The following ADGB variants were observed in gnomAD, a reference collection of about 807,000 sequenced individuals.
ADGB encodes calpain-7-like protein.
Under a neutral mutation model 210.5 loss-of-function variants are expected in ADGB, and 172 were observed. The observed-to-expected ratio is 0.82, with a 90% CI of 0.72 to 0.93. The LOEUF (loss-of-function observed/expected upper bound fraction) is 0.93. Among genes scored for constraint, ADGB ranks in the 40% least tolerant of loss-of-function variants. The pLI, the probability that ADGB is intolerant of heterozygous loss-of-function variation, is 0.00. For missense variants in ADGB, 2,025 were observed against 1,964.8 expected, an observed-to-expected ratio of 1.03 and a Z score of -0.58; for synonymous variants, 658 against 662.7, an observed-to-expected ratio of 0.99 and a Z score of 0.11.
rs1337073355 is a variant in ADGB at position 146,815,134 on chromosome 6, C to T, written c.4921C>T (p.Gln1641Ter). 73 of 1,546,786 alleles carry T rather than the reference C, an allele frequency of 4.7e-5. No individual in the cohort carries two copies. The highest frequency in any genetic ancestry group is 6.2e-5 in the Non-Finnish European group (71 of 1,145,634). Reference sequence around the variant, plus strand: ...CCTAAAGCTGGAAACTCTGGCTGCTCAGGAAGCAGCCATGAAGCTGGAGAC... The same window carrying T: ...CCTAAAGCTGGAAACTCTGGCTGCTTAGGAAGCAGCCATGAAGCTGGAGAC... ...EHLKLETLAA[Q>*]EAAMKLETEK... Residue 1641 changes from glutamine to a stop codon, truncating the protein, a stop_gained, in exon 36 of 36, where the codon CAG becomes TAG. Transcript: ENST00000397944. LOFTEE classifies it low-confidence loss of function (END_TRUNC).
rs1198158237 is a variant in ADGB, at chr6:146,691,477, AATAT to A, written c.1486+208_1486+211del. Among the ~76,000 whole-genome samples the A allele has an allele frequency of 7.1e-3, 131 of 18,498 alleles. 2 individuals carry two copies. The highest frequency in any genetic ancestry group is 8.0e-3 in the Non-Finnish European group (101 of 12,584). 12.1% of individuals were successfully genotyped at this position (18,498 alleles called of 152,430 possible). ...ATATATAAAAATATATATATATATA[AATAT>A]ATATATATATATATATATATTTTTT... On this transcript the variant is annotated intron_variant, in intron 11 of 35. Transcript: ENST00000397944.
chr6:146,617,247 TCA>T lies in ADGB; in HGVS notation c.75-18125_75-18124del, dbSNP rs141959225. Among the ~76,000 whole-genome samples the T allele has an allele frequency of 1.6e-3, 237 of 152,252 alleles. 1 individual carries two copies. The East Asian group carries it at 0.02, about 13-fold the overall frequency. ...CTTTCTTGATTTCTTTTTCAATTGT[TCA>T]CAGTTGGTGTATGAAAATGCTACCT... On this transcript the variant is annotated intron_variant, in intron 1 of 35. Coordinates refer to ENST00000397944, the MANE Select transcript of ADGB (RefSeq NM_024694.4).
intron 33 of ADGB, among the ~76,000 whole-genome samples, chr6:146,789,575 T>A (rs973194869): frequency 6.6e-6 from 1 of 152,210 alleles, no homozygotes; most frequent in Non-Finnish European, 1.5e-5. Context: ...AATTCTAAAA[T>A]TAAAAGGAAT....
intron 35 of ADGB, chr6:146,807,561 A>T (rs1390933826): frequency 5.9e-6 from 9 of 1,536,046 alleles, no homozygotes; most frequent in Admixed American, 4.3e-5. Flanking sequence ...TGACACACAG[A>T]AAAAAAAGAA....
intron 9 of ADGB, among the ~76,000 whole-genome samples, chr6:146,678,836 T>A (rs1227368363): frequency 6.6e-6 from 1 of 152,214 alleles, no homozygotes; most frequent in Non-Finnish European, 1.5e-5. Context: ...TTCATTTAGG[T>A]ACACTAGCTG....
intron 22 of ADGB, among the ~76,000 whole-genome samples, chr6:146,735,044 A>AG (rs1245795804): frequency 3.3e-5 from 5 of 151,998 alleles, no homozygotes; most frequent in Non-Finnish European, 4.4e-5. Flanking sequence ...CTTGTAAAAA[A>AG]AAAAGAATCT....
At chr6:146,608,435 T>C (rs999272144) in intron 1 of ADGB, among the ~76,000 whole-genome samples, 4 of 152,174 alleles carry the variant, frequency 2.6e-5, no homozygotes, top group Admixed American at 2.0e-4. Context: ...GGTTTGCTAT[T>C]GTTTTTCTGG....
chr6:146,725,216 A>G (rs1776875929), intron 18 of ADGB: 1 of 152,208 alleles, frequency 6.6e-6, no homozygotes, highest in African/African-American at 2.4e-5. Flanking sequence ...AATTTAATAA[A>G]GATTCTTCTT....
chr6:146,771,087 G>T (rs1351471265), intron 29 of ADGB, among the ~76,000 whole-genome samples: 1 of 152,018 alleles, frequency 6.6e-6, no homozygotes, highest in Non-Finnish European at 1.5e-5. Flanking sequence ...TATGAAAGCC[G>T]CAAATACCTT....
intron 1 of ADGB, among the ~76,000 whole-genome samples, chr6:146,627,298 A>T (rs2114850015): frequency 1.3e-5 from 2 of 152,086 alleles, no homozygotes; most frequent in South Asian, 2.1e-4. Context: ...TCCATTAGTC[A>T]TATGTTCTTA....
chr6:146,804,128 A>T (rs1280636613), intron 35 of ADGB, among the ~76,000 whole-genome samples: 1 of 152,174 alleles, frequency 6.6e-6, no homozygotes, highest in African/African-American at 2.4e-5. Context: ...CAAATGAAAA[A>T]AGGATTTCTA....
intron 35 of ADGB, among the ~76,000 whole-genome samples, chr6:146,809,091 A>G (rs1473050688): frequency 1.3e-5 from 2 of 151,948 alleles, no homozygotes; most frequent in African/African-American, 4.8e-5. Flanking sequence ...TATGTGGAAC[A>G]TGTTCTGCTA....
chr6:146,799,154 C>CA (rs1373948521), intron 33 of ADGB, among the ~76,000 whole-genome samples: 1 of 148,406 alleles, frequency 6.7e-6, no homozygotes, highest in Non-Finnish European at 1.5e-5. Context: ...AAAGACTCTA[C>CA]AAAAAAACCT....
chr6:146,742,926 C>A (rs1448748307), intron 25 of ADGB, among the ~76,000 whole-genome samples: 1 of 151,952 alleles, frequency 6.6e-6, no homozygotes, highest in Non-Finnish European at 1.5e-5. Flanking sequence ...AGTGTTAGTG[C>A]ATTTTATGCA....
At chr6:146,711,838 G>A (rs2114558475) in intron 13 of ADGB, among the ~76,000 whole-genome samples, 1 of 152,068 alleles carries the variant, frequency 6.6e-6, no homozygotes, top group South Asian at 2.1e-4. Context: ...GAGGCAGCCT[G>A]CGCAAGACAG....
At chr6:146,687,146 G>A (rs549778940) in intron 10 of ADGB, among the ~76,000 whole-genome samples, 1 of 152,180 alleles carries the variant, frequency 6.6e-6, no homozygotes, top group South Asian at 2.1e-4. Flanking sequence ...TTAATCCAAA[G>A]TTAGAAAACA....
At chr6:146,664,422 T>C in intron 6 of ADGB, 82 bp downstream of exon 6, 1 of 1,344,272 alleles carries the variant, frequency 7.4e-7, no homozygotes, top group Non-Finnish European at 9.7e-7. Context: ...ATAATTTATT[T>C]TTTTAAAATT....
intron 14 of ADGB, among the ~76,000 whole-genome samples, chr6:146,716,054 C>CAA (rs61093466): frequency 0.05 from 4,796 of 96,840 alleles, 323 homozygotes; most frequent in African/African-American, 0.16. Flanking sequence ...GACTCCGTCT[C>CAA]AAAAAAAAAA....
chr6:146,786,336 T>G (rs1382625120), intron 32 of ADGB, among the ~76,000 whole-genome samples: 1 of 151,774 alleles, frequency 6.6e-6, no homozygotes, highest in East Asian at 1.9e-4. Flanking sequence ...TGCCAGTGTC[T>G]TCTCACAGCT....
Sources: allele counts gnomAD v4.1 joint callset (sites outside exome capture counted in the v4.1 genomes callset), GRCh38; gene constraint gnomAD v4.1.1; transcripts MANE v1.5; gene names NCBI Gene and HGNC (gene_info 2026-07-23, HGNC 2026-07-21).